The following IGSF11 variants were observed in gnomAD, a reference collection of about 807,000 sequenced individuals.
IGSF11 encodes the protein immunoglobulin superfamily member 11.
IGSF11 carries 22 observed loss-of-function variants against 41.0 expected under a neutral mutation model. The ratio of observed to expected loss-of-function variants is 0.54; its 90% CI spans 0.38 to 0.77. The LOEUF (loss-of-function observed/expected upper bound fraction) is 0.77. Among genes scored for constraint, IGSF11 ranks in the 30% least tolerant of loss-of-function variants. IGSF11 has a pLI of 0.00. For missense variants in IGSF11, 444 were observed against 530.8 expected, an observed-to-expected ratio of 0.84 and a Z score of 1.61; for synonymous variants, 219 against 201.3, an observed-to-expected ratio of 1.09 and a Z score of -0.74.
At chr3:119,075,937 G>T (rs890712112) in intron 1 of IGSF11, among the ~76,000 whole-genome samples, 1 of 152,122 alleles carries the variant, frequency 6.6e-6, no homozygotes, top group East Asian at 1.9e-4. Flanking sequence ...AACCTAAAAA[G>T]AGCCCTCATT....
upstream of IGSF11, among the ~76,000 whole-genome samples, chr3:119,036,819 G>T (rs750266423): frequency 7.9e-5 from 12 of 152,192 alleles, no homozygotes; most frequent in Non-Finnish European, 1.8e-4. Flanking sequence ...CTTCTGCCTT[G>T]CCAGGCAAGA....
At chr3:119,046,646 C>T (rs1257719489) in intron 1 of IGSF11, among the ~76,000 whole-genome samples, 1 of 151,822 alleles carries the variant, frequency 6.6e-6, no homozygotes, top group African/African-American at 2.4e-5. Context: ...ACAGAGAACA[C>T]CACAAAGATA....
intron 1 of IGSF11, among the ~76,000 whole-genome samples, chr3:119,116,964 C>G (rs1217749292): frequency 2.0e-5 from 3 of 152,180 alleles, no homozygotes; most frequent in African/African-American, 7.2e-5. Flanking sequence ...GCAGCAAGCA[C>G]CTGGTACCTG....
intron 1 of IGSF11, chr3:119,145,681 G>A (rs1341841551): frequency 1.3e-5 from 2 of 154,492 alleles, no homozygotes; most frequent in Non-Finnish European, 2.9e-5. Context: ...CCACTGCCAA[G>A]ACAGCTATAC....
chr3:119,062,105 T>C (rs962916037), intron 1 of IGSF11, among the ~76,000 whole-genome samples: 3 of 152,184 alleles, frequency 2.0e-5, no homozygotes, highest in Non-Finnish European at 2.9e-5. Flanking sequence ...AAAATGCCCA[T>C]TACAGTGCCT....
At chr3:119,041,548 A>G (rs1326594824) in intron 1 of IGSF11, among the ~76,000 whole-genome samples, 1 of 152,074 alleles carries the variant, frequency 6.6e-6, no homozygotes, top group East Asian at 1.9e-4. Context: ...TCATGCCACC[A>G]CACTCCAGCC....
intron 1 of IGSF11, among the ~76,000 whole-genome samples, chr3:119,138,593 G>A (rs964983291): frequency 3.3e-5 from 5 of 152,178 alleles, no homozygotes; most frequent in Non-Finnish European, 5.9e-5. Flanking sequence ...GCTGAGGCCT[G>A]AGAATCGCTT....
chr3:118,913,491 AG>A (rs1262734618), intron 4 of IGSF11, among the ~76,000 whole-genome samples: 1 of 152,242 alleles, frequency 6.6e-6, no homozygotes, highest in African/African-American at 2.4e-5. Flanking sequence ...AAAGGTGGGA[AG>A]AAAATGAAAC....
At chr3:119,085,060 C>T (rs1397825977) in intron 1 of IGSF11, among the ~76,000 whole-genome samples, 1 of 152,158 alleles carries the variant, frequency 6.6e-6, no homozygotes, top group Non-Finnish European at 1.5e-5. Context: ...CCTCAACGCC[C>T]AAAAGACCTA....
chr3:119,001,783 C>A (rs1180636200), intron 1 of IGSF11, among the ~76,000 whole-genome samples: 1 of 148,088 alleles, frequency 6.8e-6, no homozygotes, highest in African/African-American at 2.5e-5. Context: ...CATCCATGTC[C>A]CTACAAAGGA....
rs531153699 is a variant in IGSF11 at position 118,991,997 on chromosome 3, C to T, written c.52+42534G>A. On this transcript the variant is annotated intron_variant, in intron 1 of 6. Transcript: ENST00000393775. ...TAAGCTTCATTGATAATAGTGACTA[C>T]GTCACAGCTGGCTGAACATTCAGTC... Among the ~76,000 whole-genome samples, 4 of 152,334 alleles carry T rather than the reference C, an allele frequency of 2.6e-5. No individual in the cohort carries two copies. In the East Asian group the frequency reaches 7.7e-4, roughly 29 times the overall value.
At chr3:118,911,825 C>G (rs1381010459) in intron 4 of IGSF11, among the ~76,000 whole-genome samples, 3 of 152,162 alleles carry the variant, frequency 2.0e-5, no homozygotes, top group South Asian at 2.1e-4. Context: ...TTGGGCAAAC[C>G]TGGTCTCTTC....
chr3:119,078,932 T>G (rs1405780630), intron 1 of IGSF11, among the ~76,000 whole-genome samples: 1 of 152,174 alleles, frequency 6.6e-6, no homozygotes, highest in East Asian at 1.9e-4. Context: ...AACGGACATT[T>G]CTCAAAAGAA....
intron 4 of IGSF11, among the ~76,000 whole-genome samples, chr3:118,908,413 C>G (rs1306162555): frequency 6.6e-6 from 1 of 152,056 alleles, no homozygotes; most frequent in African/African-American, 2.4e-5. Context: ...AACAAAACAG[C>G]CCTGTTTATG....
At chr3:119,132,016 C>A (rs1339098956) in intron 1 of IGSF11, among the ~76,000 whole-genome samples, 1 of 152,110 alleles carries the variant, frequency 6.6e-6, no homozygotes, top group Non-Finnish European at 1.5e-5. Flanking sequence ...GATTTTGTCA[C>A]CACCAGGCCT....
intron 1 of IGSF11, among the ~76,000 whole-genome samples, chr3:119,142,317 T>A (rs982301244): frequency 6.8e-6 from 1 of 146,548 alleles, no homozygotes; most frequent in African/African-American, 2.5e-5. Context: ...GTATTGGACA[T>A]CCAGAAAAGC....
chr3:119,022,526 T>G (rs949976044), intron 1 of IGSF11, among the ~76,000 whole-genome samples: 2 of 152,208 alleles, frequency 1.3e-5, no homozygotes, highest in African/African-American at 2.4e-5. Flanking sequence ...GTGAATTATA[T>G]CTCAATAAAG....
At chr3:119,033,348 A>T (rs1559821486) in intron 1 of IGSF11, among the ~76,000 whole-genome samples, 1 of 152,208 alleles carries the variant, frequency 6.6e-6, no homozygotes, top group Admixed American at 6.5e-5. Flanking sequence ...ATCTCAAACT[A>T]GTAACAGTAC....
In IGSF11 at chr3:119,071,610, C is replaced by A. The variant is rs576977756; in HGVS notation, c.49+33534G>T. 5.9e-5 allele frequency among the ~76,000 whole-genome samples: 9 copies of A among 152,202 alleles called. No homozygotes were observed. The South Asian group carries it at 1.5e-3, about 25-fold the overall frequency. Reference sequence around the variant, plus strand: ...TTTTCCCATTGAATAATTGGGCATCCTTCTCAAAAATAAATTGACCATATA... The same window carrying A: ...TTTTCCCATTGAATAATTGGGCATCATTCTCAAAAATAAATTGACCATATA... On this transcript the variant is annotated intron_variant, in intron 1 of 6. Coordinates refer to the IGSF11 transcript ENST00000354673.
Sources: gnomAD v4.1 joint callset for allele counts (sites outside exome capture counted in the v4.1 genomes callset) on GRCh38, gnomAD v4.1.1 for gene constraint, MANE v1.5 for transcripts, NCBI Gene and HGNC (gene_info 2026-07-23, HGNC 2026-07-21) for gene names.